Variants in CALD1 observed in about 807,000 individuals in gnomAD.
CALD1 encodes the protein caldesmon.
A neutral mutation model predicts 99.9 loss-of-function variants in CALD1; 33 were observed. The observed-to-expected ratio is 0.33, with a 90% confidence interval of 0.25 to 0.44. The LOEUF is 0.44. Ranked by LOEUF, CALD1 falls within the 20% of genes least tolerant of loss-of-function variation. The pLI, the probability that CALD1 is intolerant of heterozygous loss-of-function variation, is 1.00. For synonymous variants in CALD1, 310 were observed against 325.0 expected, an observed-to-expected ratio of 0.95 and a Z score of 0.50; for missense variants, 861 against 962.1, an observed-to-expected ratio of 0.89 and a Z score of 1.39.
At position 134,927,551 on chromosome 7, in the gene CALD1, CAAAAAAAAAAAAA is replaced by C. The variant is rs58182455; in HGVS notation, c.72-1190_72-1178del. On this transcript the variant is annotated intron_variant, in intron 3 of 14. Transcript: ENST00000361675. ...TGGGTGACAGAGTTAGACTGTGTCT[CAAAAAAAAAAAAA>C]AAAAAAAAAAAAGCTAAATAATATA... Among the ~76,000 whole-genome samples the C allele has an allele frequency of 2.2e-4, 9 of 40,382 alleles. No individual in the cohort carries two copies. The South Asian group carries it at 0.01, about 45-fold the overall frequency. The allele number at this position is 40,382 out of a possible 152,430, so 26.5% of individuals were successfully genotyped here. A position where few individuals can be genotyped will look rare whatever the true frequency, so the allele number is the denominator to read the frequency against.
At chr7:134,941,690 T>C (rs1806455109) in intron 7 of CALD1, among the ~76,000 whole-genome samples, 1 of 152,226 alleles carries the variant, frequency 6.6e-6, no homozygotes, top group Non-Finnish European at 1.5e-5. Context: ...GATTGTTTTG[T>C]GGCGAAATAC....
At chr7:134,896,158 G>GGCC (rs1177128087) in intron 3 of CALD1, among the ~76,000 whole-genome samples, 2 of 152,180 alleles carry the variant, frequency 1.3e-5, no homozygotes, top group African/African-American at 4.8e-5. Flanking sequence ...CAGCAGTAGG[G>GGCC]GCCGCCTGCA....
chr7:134,885,943 C>G (rs930857325), intron 3 of CALD1, among the ~76,000 whole-genome samples: 7 of 151,808 alleles, frequency 4.6e-5, no homozygotes, highest in African/African-American at 1.5e-4. Context: ...TATTTCCAAG[C>G]ACCGTTTATT....
chr7:134,746,627 C>G (rs1490916421), intron 1 of CALD1, among the ~76,000 whole-genome samples: 1 of 151,566 alleles, frequency 6.6e-6, no homozygotes, highest in East Asian at 1.9e-4. Context: ...CTGGAGGGCC[C>G]AGAAAGAAAA....
At chr7:134,849,072 C>T (rs903108026) in intron 2 of CALD1, among the ~76,000 whole-genome samples, 12 of 152,052 alleles carry the variant, frequency 7.9e-5, no homozygotes, top group Non-Finnish European at 1.3e-4. Flanking sequence ...AATCCAATGA[C>T]GTGTTCAGTG....
rs185614072 is a variant in CALD1, at chr7:134,889,994, C to T, written c.71+22190C>T. Among the ~76,000 whole-genome samples, 48 of 152,166 alleles carry T rather than the reference C, an allele frequency of 3.2e-4. No homozygotes were observed. In the East Asian group the frequency reaches 8.9e-3, roughly 28 times the overall value. On this transcript the variant is annotated intron_variant, in intron 3 of 14. Coordinates refer to ENST00000361675, the MANE Select transcript of CALD1 (RefSeq NM_033138.4). ...CGCCATCTCAGCTCACTGCAACCTC[C>T]GCCTCCTGGGTTCAAGCAATTCTCC...
chr7:134,871,877 T>C (rs1336150051), intron 3 of CALD1, among the ~76,000 whole-genome samples: 2 of 152,240 alleles, frequency 1.3e-5, no homozygotes, highest in Non-Finnish European at 2.9e-5. Context: ...CATTTTATTC[T>C]TCAGAAACAG....
intron 13 of CALD1, chr7:134,962,701 A>T: frequency 2.6e-6 from 1 of 390,748 alleles, no homozygotes; most frequent in Non-Finnish European, 5.1e-6. Flanking sequence ...AATTCTGAGT[A>T]TGTCTGTTTG....
In CALD1 at chr7:134,969,243, A is replaced by C. The variant is rs1315791781; in HGVS notation, c.*898A>C. ...TGTTTTCAATGCCTGATGACCTATA[A>C]GAAGAAAGTATTGAAAAGAAGAGAG... is the stretch of plus-strand genomic sequence containing the variant. On this transcript the variant is annotated 3_prime_UTR_variant, in exon 15 of 15. Transcript: ENST00000361675. 6.6e-6 allele frequency: 1 copy of C among 152,292 alleles called. No homozygotes were observed. Among genetic ancestry groups the C allele is most frequent in the Non-Finnish European group, 1.5e-5 (1 of 68,046 alleles). The allele number at this position is 152,292 out of a possible 1,614,324, so 9.4% of individuals were successfully genotyped here. A position where few individuals can be genotyped will look rare whatever the true frequency, so the allele number is the denominator to read the frequency against.
At chr7:134,784,767 T>TA (rs1230034153) in intron 1 of CALD1, among the ~76,000 whole-genome samples, 1 of 151,474 alleles carries the variant, frequency 6.6e-6, no homozygotes, top group East Asian at 1.9e-4. Flanking sequence ...AGAGTAGAGT[T>TA]AGAGTCAAGG....
intron 13 of CALD1, chr7:134,961,755 T>C (rs745456724): frequency 2.6e-5 from 4 of 152,060 alleles, no homozygotes; most frequent in Non-Finnish European, 5.9e-5. Context: ...TCTCAATAGG[T>C]ACAAGAATGC....
intron 1 of CALD1, among the ~76,000 whole-genome samples, chr7:134,804,948 C>T (rs1323064506): frequency 6.6e-6 from 1 of 152,154 alleles, no homozygotes; most frequent in African/African-American, 2.4e-5. Context: ...TTTCTGATAA[C>T]TCAGGATGGG....
chr7:134,929,408 C>T (rs1420497981), intron 4 of CALD1, among the ~76,000 whole-genome samples: 2 of 151,242 alleles, frequency 1.3e-5, no homozygotes, highest in African/African-American at 4.9e-5. Flanking sequence ...TACCTTTCTC[C>T]CCGAGTCCCC....
chr7:134,866,422 C>A (rs1257732855), intron 2 of CALD1, among the ~76,000 whole-genome samples: 2 of 152,002 alleles, frequency 1.3e-5, no homozygotes, highest in Non-Finnish European at 2.9e-5. Context: ...ATTAATAATA[C>A]CCTAGAGGAT....
chr7:134,930,943 A>G lies in CALD1; in HGVS notation c.218+2043A>G, dbSNP rs116394300. Among the ~76,000 whole-genome samples, 757 of 152,266 alleles carry G rather than the reference A, an allele frequency of 5.0e-3. 5 individuals are homozygous for G. The highest frequency in any genetic ancestry group is 0.017 in the African/African-American group (724 of 41,558). Reference sequence around the variant, plus strand: ...AAATGGCATTTTGATGCCTTTCCTGAATCTTGTTATTAATGAGTGGTCAAC... The same window carrying G: ...AAATGGCATTTTGATGCCTTTCCTGGATCTTGTTATTAATGAGTGGTCAAC... On this transcript the variant is annotated intron_variant, in intron 4 of 14. Coordinates refer to ENST00000361675, the MANE Select transcript of CALD1 (RefSeq NM_033138.4).
chr7:134,938,833 T>C (rs1446633262), intron 6 of CALD1, among the ~76,000 whole-genome samples: 3 of 152,206 alleles, frequency 2.0e-5, no homozygotes, highest in African/African-American at 7.2e-5. Context: ...AGGGGGGATT[T>C]TTTTTCTGTT....
intron 3 of CALD1, among the ~76,000 whole-genome samples, chr7:134,910,074 A>G (rs1396807751): frequency 2.6e-5 from 4 of 152,216 alleles, no homozygotes; most frequent in Non-Finnish European, 5.9e-5. Context: ...TATTGAATAT[A>G]GTCAATATAG....
chr7:134,745,818 T>A (rs1796630519), intron 1 of CALD1, among the ~76,000 whole-genome samples: 1 of 152,238 alleles, frequency 6.6e-6, no homozygotes, highest in African/African-American at 2.4e-5. Flanking sequence ...TTCTTTATAA[T>A]ACAAGGTATG....
intron 9 of CALD1, among the ~76,000 whole-genome samples, chr7:134,956,979 C>CA (rs923135980): frequency 1.3e-5 from 2 of 151,576 alleles, no homozygotes; most frequent in Admixed American, 6.6e-5. Context: ...TCAGTTGTAG[C>CA]AAAAAAGTTC....
Sources: allele counts gnomAD v4.1 joint callset (sites outside exome capture counted in the v4.1 genomes callset), GRCh38; gene constraint gnomAD v4.1.1; transcripts MANE v1.5; gene names NCBI Gene and HGNC (gene_info 2026-07-23, HGNC 2026-07-21).